Variants in NTRK3 observed in about 807,000 individuals in gnomAD.
NTRK3 encodes neurotrophic receptor tyrosine kinase 3, also known as NT-3 growth factor receptor.
Under a neutral mutation model 91.7 loss-of-function variants are expected in NTRK3, and 24 were observed. The ratio of observed to expected loss-of-function variants is 0.26; its 90% CI spans 0.19 to 0.37. NTRK3 has a LOEUF of 0.37. NTRK3 is among the 10% of genes least tolerant of loss of function. The pLI is 1.00. For missense variants in NTRK3, 880 were observed against 1,068.9 expected, an observed-to-expected ratio of 0.82 and a Z score of 2.46; for synonymous variants, 483 against 404.0, an observed-to-expected ratio of 1.20 and a Z score of -2.34.
At chr15:88,017,743 G>A (rs934310041) in intron 14 of NTRK3, among the ~76,000 whole-genome samples, 2 of 152,126 alleles carry the variant, frequency 1.3e-5, no homozygotes. Flanking sequence ...TCCCTGTGTT[G>A]ATGTCTCTGT....
chr15:88,018,647 T>G (rs1161991458), intron 14 of NTRK3, among the ~76,000 whole-genome samples: 1 of 152,228 alleles, frequency 6.6e-6, no homozygotes, highest in Non-Finnish European at 1.5e-5. Flanking sequence ...TGTCATTTTC[T>G]AGCTGCAAGA....
intron 5 of NTRK3, among the ~76,000 whole-genome samples, chr15:88,160,919 G>C (rs978347584): frequency 6.6e-6 from 1 of 152,186 alleles, no homozygotes; most frequent in Non-Finnish European, 1.5e-5. Flanking sequence ...CCTGCCCTGA[G>C]AAAGTTATTT....
intron 5 of NTRK3, among the ~76,000 whole-genome samples, chr15:88,170,257 A>G (rs561691185): frequency 5.3e-5 from 8 of 152,344 alleles, no homozygotes; most frequent in Admixed American, 5.2e-4. Flanking sequence ...TGCTTGTTTC[A>G]GGCAATGAGG....
chr15:87,890,788 C>T (rs2065817384), intron 17 of NTRK3, among the ~76,000 whole-genome samples: 1 of 152,148 alleles, frequency 6.6e-6, no homozygotes, highest in Non-Finnish European at 1.5e-5. Flanking sequence ...ATTTCCCACT[C>T]CAGCCTTTGA....
At chr15:88,256,247 G>T in intron 2 of NTRK3, 37 bp downstream of exon 2, 1 of 289,902 alleles carries the variant, frequency 3.4e-6, no homozygotes, top group South Asian at 3.6e-5. Context: ...AAACAAAGAC[G>T]GCGAGGGAGG....
chr15:88,181,922 C>T (rs139017238), intron 5 of NTRK3, among the ~76,000 whole-genome samples: 158 of 152,294 alleles, frequency 1.0e-3, no homozygotes, highest in African/African-American at 3.7e-3. Context: ...TCTCAGATGT[C>T]AAAAGCTTTT....
chr15:87,879,453 G>C (rs775808286), intron 18 of NTRK3, among the ~76,000 whole-genome samples: 28 of 152,220 alleles, frequency 1.8e-4, no homozygotes, highest in Non-Finnish European at 3.5e-4. Context: ...TTTGGAGGCA[G>C]AGGAGTCCTA....
intron 3 of NTRK3, among the ~76,000 whole-genome samples, chr15:88,200,624 C>G (rs565365299): frequency 9.8e-5 from 15 of 152,318 alleles, no homozygotes; most frequent in African/African-American, 3.4e-4. Context: ...CTTCCTGCCA[C>G]CATGTGAAGA....
At chr15:88,196,953 A>C (rs1296833660) in intron 3 of NTRK3, among the ~76,000 whole-genome samples, 4 of 152,084 alleles carry the variant, frequency 2.6e-5, no homozygotes, top group Non-Finnish European at 1.5e-5. Context: ...GAACTTTCCC[A>C]AACTACCTTC....
chr15:88,014,764 G>A (rs1473705324), intron 14 of NTRK3, among the ~76,000 whole-genome samples: 1 of 152,202 alleles, frequency 6.6e-6, no homozygotes. Context: ...CACCGGAGCA[G>A]GTTCTTTGCA....
chr15:88,033,004 G>T (rs2078692652), exon 14 of NTRK3: 3 of 1,605,724 alleles, frequency 1.9e-6, no homozygotes, highest in Non-Finnish European at 2.6e-6. Flanking sequence ...TGGTGCAGTG[G>T]GCTGGCTGAG....
At chr15:88,166,825 C>T (rs2045007853) in intron 5 of NTRK3, among the ~76,000 whole-genome samples, 1 of 152,112 alleles carries the variant, frequency 6.6e-6, no homozygotes, top group African/African-American at 2.4e-5. Flanking sequence ...GCCCCAGAGT[C>T]CTCATGTATA....
At position 88,255,245 on chromosome 15, in the gene NTRK3, G is replaced by C. The variant is rs887201559; in HGVS notation, c.248+661C>G. ...CCAGATGCAGATGAGGGTGGCAAAG[G>C]GGTGTCTCGGAAATGCCCAAAATGG... is the stretch of plus-strand genomic sequence containing the variant. On this transcript the variant is annotated intron_variant, in intron 3 of 18. Transcript: ENST00000394480. This position sits in a 1 kb window ranked among gnomAD's most constrained non-coding sequence, Gnocchi z 4.3. 6.6e-6 allele frequency among the ~76,000 whole-genome samples: 1 copy of C among 152,156 alleles called. No homozygotes were observed. Among genetic ancestry groups the C allele is most frequent in the African/African-American group, 2.4e-5 (1 of 41,434 alleles).
intron 17 of NTRK3, among the ~76,000 whole-genome samples, chr15:87,908,997 G>A (rs1253825321): frequency 6.6e-6 from 1 of 152,002 alleles, no homozygotes; most frequent in Non-Finnish European, 1.5e-5. Context: ...CAGCCCCTTA[G>A]GTCAAAGAAA....
intron 14 of NTRK3, among the ~76,000 whole-genome samples, chr15:88,027,444 G>A (rs1302238055): frequency 2.0e-5 from 3 of 152,072 alleles, no homozygotes; most frequent in Admixed American, 1.3e-4. Flanking sequence ...GTGCAGTGGC[G>A]CAACCTCGGC....
intron 3 of NTRK3, among the ~76,000 whole-genome samples, chr15:88,194,260 TGG>T (rs2047639888): frequency 3.9e-5 from 6 of 152,376 alleles, no homozygotes; most frequent in Admixed American, 1.3e-4. Context: ...CCAGGGAGCC[TGG>T]GGCTCCTCTA....
At chr15:88,204,724 C>T (rs933355836) in intron 3 of NTRK3, among the ~76,000 whole-genome samples, 1 of 152,254 alleles carries the variant, frequency 6.6e-6, no homozygotes, top group Non-Finnish European at 1.5e-5. Flanking sequence ...CACAGACTCT[C>T]ATTCCATACA....
At chr15:88,029,158 G>A (rs531864514) in intron 14 of NTRK3, among the ~76,000 whole-genome samples, 4 of 152,212 alleles carry the variant, frequency 2.6e-5, no homozygotes, top group African/African-American at 9.6e-5. Flanking sequence ...TAATGAGGGG[G>A]GCTTTATTAG....
chr15:87,878,599 A>G (rs1217732652), intron 18 of NTRK3, among the ~76,000 whole-genome samples: 1 of 152,202 alleles, frequency 6.6e-6, no homozygotes, highest in Non-Finnish European at 1.5e-5. Flanking sequence ...GGCACCTGGG[A>G]GTGTCTCTTC....
Sources: gnomAD v4.1 joint callset for allele counts (sites outside exome capture counted in the v4.1 genomes callset) on GRCh38, gnomAD v4.1.1 for gene constraint, Gnocchi (gnomAD v3.1) non-coding constraint, MANE v1.5 for transcripts, NCBI Gene and HGNC (gene_info 2026-07-23, HGNC 2026-07-21) for gene names.